PRKAG2: variants seen among roughly 807,000 people sequenced by gnomAD.
The protein encoded by PRKAG2 is 5'-AMP-activated protein kinase subunit gamma-2.
In PRKAG2, 26 loss-of-function variants were observed where a neutral mutation model predicts 69.6. The ratio of observed to expected loss-of-function variants is 0.37; its 90% CI spans 0.27 to 0.52. The LOEUF is 0.52. Among genes scored for constraint, PRKAG2 ranks in the 20% least tolerant of loss-of-function variants. The pLI, the probability that PRKAG2 is intolerant of heterozygous loss-of-function variation, is 0.90. For synonymous variants in PRKAG2, 293 were observed against 285.0 expected (o/e 1.03, Z -0.28); for missense variants, 557 against 740.0 (o/e 0.75, Z 2.87).
At chr7:151,745,414 C>T (rs1356906488) in intron 3 of PRKAG2, among the ~76,000 whole-genome samples, 5 of 152,210 alleles carry the variant, frequency 3.3e-5, no homozygotes, top group Admixed American at 6.5e-5. Flanking sequence ...GGGGCCTCCA[C>T]GCCCTGCCCC....
At chr7:151,608,871 A>G (rs1250543118) in intron 5 of PRKAG2, among the ~76,000 whole-genome samples, 1 of 151,230 alleles carries the variant, frequency 6.6e-6, no homozygotes, top group Non-Finnish European at 1.5e-5. Context: ...AAAGTGCCTC[A>G]TGTGATTTTT....
At chr7:151,557,324 TAGG>T in intron 15 of PRKAG2, 92 bp from the exon 16 acceptor site, 2 of 1,612,244 alleles carry the variant, frequency 1.2e-6, no homozygotes, top group South Asian at 2.2e-5. Flanking sequence ...GGCAGTGCCT[TAGG>T]AGGATGATCC....
intron 3 of PRKAG2, among the ~76,000 whole-genome samples, chr7:151,734,684 G>A (rs1799478093): frequency 6.6e-6 from 1 of 152,024 alleles, no homozygotes; most frequent in Admixed American, 6.6e-5. Context: ...TGAGTAGCTG[G>A]GACTACAGGC....
intron 5 of PRKAG2, among the ~76,000 whole-genome samples, chr7:151,616,739 G>A (rs1416219269): frequency 1.3e-5 from 2 of 152,236 alleles, no homozygotes; most frequent in Non-Finnish European, 2.9e-5. Flanking sequence ...AAGGGGATGT[G>A]AGCTGGATCC....
intron 3 of PRKAG2, among the ~76,000 whole-genome samples, chr7:151,731,388 C>T (rs1006140421): frequency 6.6e-6 from 1 of 152,204 alleles, no homozygotes; most frequent in African/African-American, 2.4e-5. Context: ...GGGGCTCTGT[C>T]ACAAGGCCAG....
At chr7:151,657,495 A>G (rs1029391331) in intron 4 of PRKAG2, among the ~76,000 whole-genome samples, 9 of 152,244 alleles carry the variant, frequency 5.9e-5, no homozygotes, top group African/African-American at 1.9e-4. Context: ...AAATGAAAAG[A>G]ACATGGATTC....
At chr7:151,789,593 C>T (rs2077175408) in intron 1 of PRKAG2, among the ~76,000 whole-genome samples, 1 of 152,240 alleles carries the variant, frequency 6.6e-6, no homozygotes, top group Non-Finnish European at 1.5e-5. Flanking sequence ...ACCGTCACCT[C>T]AGCAATGGCT....
chr7:151,573,654 G>C (rs1808224258), intron 8 of PRKAG2, among the ~76,000 whole-genome samples: 1 of 152,142 alleles, frequency 6.6e-6, no homozygotes, highest in Non-Finnish European at 1.5e-5. Flanking sequence ...TTCAAAAGCA[G>C]AGATATGACC....
In PRKAG2 at chr7:151,599,607, T is replaced by A. The variant is rs186633266; in HGVS notation, c.755-4153A>T. On this transcript the variant is annotated intron_variant, in intron 5 of 15. Coordinates refer to ENST00000287878, the MANE Select transcript of PRKAG2 (RefSeq NM_016203.4). ...GATGAAACTGTTCCACCTCAGATCA[T>A]CAGGCACCAGATTCTCATCAGGAGC... is the stretch of plus-strand genomic sequence containing the variant. Among the ~76,000 whole-genome samples the A allele has an allele frequency of 2.6e-5, 4 of 152,294 alleles. No homozygotes were observed. The East Asian group carries it at 5.8e-4, about 22-fold the overall frequency.
intron 4 of PRKAG2, among the ~76,000 whole-genome samples, chr7:151,661,870 G>T (rs998126536): frequency 6.6e-6 from 1 of 152,158 alleles, no homozygotes; most frequent in Non-Finnish European, 1.5e-5. Context: ...ATTAGGTTTT[G>T]TGTCACAGTT....
At chr7:151,687,040 C>G (rs1161925080) in intron 3 of PRKAG2, among the ~76,000 whole-genome samples, 1 of 152,142 alleles carries the variant, frequency 6.6e-6, no homozygotes, top group African/African-American at 2.4e-5. Context: ...CATTCTGCAC[C>G]TAGTTATGAA....
chr7:151,570,727 GT>G (rs150454569), intron 9 of PRKAG2, among the ~76,000 whole-genome samples: 1 of 152,068 alleles, frequency 6.6e-6, no homozygotes, highest in African/African-American at 2.4e-5. Context: ...CATAAAAACT[GT>G]TTTTTTCTGA....
chr7:151,799,671 G>A (rs367969282), intron 1 of PRKAG2, among the ~76,000 whole-genome samples: 40 of 152,178 alleles, frequency 2.6e-4, no homozygotes, highest in Non-Finnish European at 5.1e-4. Context: ...ACTGACGGGC[G>A]CGGACACTCT....
chr7:151,687,877 G>A (rs1268504377), intron 3 of PRKAG2, among the ~76,000 whole-genome samples: 6 of 152,250 alleles, frequency 3.9e-5, no homozygotes, highest in Admixed American at 1.3e-4. Context: ...CAGGTCAGAG[G>A]TGTATCTGCC....
intron 1 of PRKAG2, among the ~76,000 whole-genome samples, chr7:151,853,875 G>C (rs1469497189): frequency 1.3e-5 from 2 of 152,036 alleles, no homozygotes; most frequent in Non-Finnish European, 2.9e-5. Flanking sequence ...GATGATTTGG[G>C]CTCAAAATAA....
In PRKAG2 at chr7:151,699,707, G is replaced by C. The variant is rs1563464054; in HGVS notation, c.467-24070C>G. ...CAGAAAGAAATGCATGAGCCATTAA[G>C]ACAGTGCAGGAAGCATCTGATGGAG... is the stretch of plus-strand genomic sequence containing the variant. On this transcript the variant is annotated intron_variant, in intron 3 of 15. Transcript: ENST00000287878. The surrounding 1 kb of genome is among the most constrained non-coding windows in gnomAD (Gnocchi z 4.5). 6.6e-6 allele frequency among the ~76,000 whole-genome samples: 1 copy of C among 152,200 alleles called. No individual in the cohort carries two copies. Among genetic ancestry groups the C allele is most frequent in the African/African-American group, 2.4e-5 (1 of 41,452 alleles).
At chr7:151,829,440 C>G (rs1444513816) in intron 1 of PRKAG2, among the ~76,000 whole-genome samples, 1 of 152,094 alleles carries the variant, frequency 6.6e-6, no homozygotes, top group Non-Finnish European at 1.5e-5. Flanking sequence ...TAAAACGGTG[C>G]TGCCAGTTTG....
chr7:151,823,756 T>C (rs896496408), intron 1 of PRKAG2, among the ~76,000 whole-genome samples: 1 of 152,272 alleles, frequency 6.6e-6, no homozygotes, highest in Middle Eastern at 3.4e-3. Flanking sequence ...CCCAGAGTCA[T>C]TCCTGGTGGA....
At position 151,807,053 on chromosome 7, in the gene PRKAG2, C is replaced by T. The variant is rs772919217; in HGVS notation, c.115-20512G>A. ...TACACAAAGGTAAGACATGGACCCA[C>T]CCTCAAGTCTGAAGGTGGAGGTGGG... On this transcript the variant is annotated intron_variant, in intron 1 of 15. Coordinates refer to ENST00000287878, the MANE Select transcript of PRKAG2 (RefSeq NM_016203.4). This position sits in a 1 kb window ranked among gnomAD's most constrained non-coding sequence, Gnocchi z 4.4. 1.4e-5 allele frequency: 6 copies of T among 438,204 alleles called. No individual in the cohort carries two copies. The highest frequency in any genetic ancestry group is 1.0e-4 in the South Asian group (6 of 60,276). The allele number at this position is 438,204 out of a possible 1,614,324, so 27.1% of individuals were successfully genotyped here.
Sources: allele counts gnomAD v4.1 joint callset (sites outside exome capture counted in the v4.1 genomes callset), GRCh38; gene constraint gnomAD v4.1.1; non-coding constraint Gnocchi (gnomAD v3.1); transcripts MANE v1.5; gene names NCBI Gene and HGNC (gene_info 2026-07-23, HGNC 2026-07-21).